PROS1: variants seen among roughly 807,000 people sequenced by gnomAD.
The protein encoded by PROS1 is vitamin K-dependent protein S.
Under a neutral mutation model 75.9 loss-of-function variants are expected in PROS1, and 29 were observed. That is an observed-to-expected ratio of 0.38 (90% CI 0.28 to 0.52). The LOEUF is 0.52. Ranked by LOEUF, PROS1 falls within the 20% of genes least tolerant of loss-of-function variation. The pLI is 0.83. For synonymous variants in PROS1, 245 were observed against 280.6 expected (o/e 0.87, Z 1.27); for missense variants, 680 against 810.3 (o/e 0.84, Z 1.95).
intron 14 of PROS1, among the ~76,000 whole-genome samples, 179 bp downstream of exon 14, chr3:93,876,787 T>G (rs750701666): frequency 6.6e-6 from 1 of 151,870 alleles, no homozygotes; most frequent in African/African-American, 2.4e-5. Flanking sequence ...ATTTTTAAAC[T>G]AAACAAAACA....
At chr3:93,879,570 C>T (rs1263749036) in intron 12 of PROS1, among the ~76,000 whole-genome samples, 1 of 152,124 alleles carries the variant, frequency 6.6e-6, no homozygotes, top group Non-Finnish European at 1.5e-5. Context: ...TAAGGATTAT[C>T]ATGGATTTTC....
intron 1 of PROS1, among the ~76,000 whole-genome samples, chr3:93,960,527 T>C (rs1203560289): frequency 8.9e-5 from 13 of 146,726 alleles, no homozygotes; most frequent in Non-Finnish European, 1.6e-4. Context: ...ACCACCTCCA[T>C]TGCTCTTTTT....
intron 3 of PROS1, among the ~76,000 whole-genome samples, chr3:93,921,488 G>A (rs1284990824): frequency 3.9e-5 from 6 of 152,132 alleles, no homozygotes; most frequent in Non-Finnish European, 5.9e-5. Flanking sequence ...GAGTTCATTT[G>A]TAAAACCATC....
At chr3:93,882,456 G>A (rs898443048) in intron 12 of PROS1, among the ~76,000 whole-genome samples, 1 of 152,156 alleles carries the variant, frequency 6.6e-6, no homozygotes, top group East Asian at 1.9e-4. Flanking sequence ...CAAATTATCT[G>A]CATAATCATG....
At chr3:93,926,556 C>A (rs886405613) in intron 2 of PROS1, among the ~76,000 whole-genome samples, 1 of 152,122 alleles carries the variant, frequency 6.6e-6, no homozygotes, top group East Asian at 1.9e-4. Context: ...CTCTTGAACC[C>A]GGGAAGTGGG....
intron 1 of PROS1, among the ~76,000 whole-genome samples, chr3:93,937,911 C>G (rs747763678): frequency 6.6e-6 from 1 of 152,048 alleles, no homozygotes; most frequent in Non-Finnish European, 1.5e-5. Flanking sequence ...AAGGAAGAAC[C>G]CTTTTGCCTA....
chr3:93,890,084 T>C (rs1317441512), intron 10 of PROS1, among the ~76,000 whole-genome samples: 1 of 151,714 alleles, frequency 6.6e-6, no homozygotes, highest in African/African-American at 2.4e-5. Flanking sequence ...TGGGAGGAGG[T>C]CTATAAATGG....
chr3:93,895,632 C>T (rs1443114004), intron 9 of PROS1, among the ~76,000 whole-genome samples: 2 of 151,946 alleles, frequency 1.3e-5, no homozygotes, highest in African/African-American at 4.8e-5. Flanking sequence ...AAGTATTTTG[C>T]CTTCTCATTA....
chr3:93,959,785 T>C (rs1372058804), intron 1 of PROS1, among the ~76,000 whole-genome samples: 1 of 152,232 alleles, frequency 6.6e-6, no homozygotes, highest in East Asian at 1.9e-4. Context: ...AACTCAAGCT[T>C]CTTTTCAAGG....
chr3:93,890,997 C>T (rs1384570818), intron 10 of PROS1, among the ~76,000 whole-genome samples: 2 of 151,928 alleles, frequency 1.3e-5, no homozygotes, highest in Admixed American at 6.6e-5. Context: ...CCCAGCTACT[C>T]GAGAGGCTGA....
rs561702759 is a variant in PROS1, at chr3:93,973,428, T to C, written c.76+246A>G. The C allele has an allele frequency of 2.8e-5, 14 of 495,766 alleles. 1 individual carries two copies. Among genetic ancestry groups the C allele is most frequent in the Middle Eastern group, 5.4e-4 (1 of 1,838 alleles). 30.7% of individuals were successfully genotyped at this position (495,766 alleles called of 1,614,324 possible). A position where few individuals can be genotyped will look rare whatever the true frequency, so the allele number is the denominator to read the frequency against. ...TTCTCATCCCTCCATTGATACTTAG[T>C]GTCATCTAGGTTCTTAGATCTGTCC... On this transcript the variant is annotated intron_variant, in intron 1 of 14. Transcript: ENST00000394236.
intron 1 of PROS1, among the ~76,000 whole-genome samples, chr3:93,939,885 C>T (rs1390916128): frequency 6.6e-6 from 1 of 152,086 alleles, no homozygotes; most frequent in East Asian, 1.9e-4. Context: ...CAGGACTTAA[C>T]TAACTTCACC....
intron 1 of PROS1, among the ~76,000 whole-genome samples, chr3:93,953,739 G>A (rs901480604): frequency 2.0e-5 from 3 of 152,108 alleles, no homozygotes; most frequent in African/African-American, 7.2e-5. Flanking sequence ...CAATCAGGCA[G>A]GAGAAAGAAA....
intron 1 of PROS1, among the ~76,000 whole-genome samples, chr3:93,951,921 G>A (rs1189009470): frequency 1.3e-5 from 2 of 151,980 alleles, no homozygotes; most frequent in African/African-American, 4.8e-5. Context: ...AAAAAAGCAG[G>A]GGTTGCAATC....
intron 12 of PROS1, among the ~76,000 whole-genome samples, chr3:93,881,258 G>T (rs560767811): frequency 1.3e-5 from 2 of 152,184 alleles, no homozygotes; most frequent in African/African-American, 4.8e-5. Context: ...GAAGGTCTAG[G>T]TTACAGTGAG....
At chr3:93,876,828 C>G (rs1194957881) in intron 14 of PROS1, 138 bp downstream of exon 14, 11 of 598,922 alleles carry the variant, frequency 1.8e-5, no homozygotes, top group Non-Finnish European at 2.2e-5. Flanking sequence ...AATGTCGGTA[C>G]TAGCCCCTAG....
intron 3 of PROS1, among the ~76,000 whole-genome samples, chr3:93,919,982 A>C (rs1326016703): frequency 6.6e-6 from 1 of 152,178 alleles, no homozygotes; most frequent in Non-Finnish European, 1.5e-5. Context: ...AATATTTGAT[A>C]AGATATTTCT....
chr3:93,902,372 G>T (rs1360125038), intron 6 of PROS1, among the ~76,000 whole-genome samples: 1 of 152,172 alleles, frequency 6.6e-6, no homozygotes, highest in Non-Finnish European at 1.5e-5. Context: ...GAGGCATATT[G>T]CAGGGAATTA....
intron 1 of PROS1, among the ~76,000 whole-genome samples, chr3:93,944,274 C>G (rs767955179): frequency 6.6e-6 from 1 of 151,852 alleles, no homozygotes; most frequent in Non-Finnish European, 1.5e-5. Context: ...GAAAACACAA[C>G]GAAAAAATCA....
Sources: gnomAD v4.1 joint callset for allele counts (sites outside exome capture counted in the v4.1 genomes callset) on GRCh38, gnomAD v4.1.1 for gene constraint, MANE v1.5 for transcripts, NCBI Gene and HGNC (gene_info 2026-07-23, HGNC 2026-07-21) for gene names.